MCTP2: variants seen among roughly 807,000 people sequenced by gnomAD.
The protein encoded by MCTP2 is multiple C2 and transmembrane domain containing 2.
In MCTP2, 132 loss-of-function variants were observed where a neutral mutation model predicts 111.6. The ratio of observed to expected loss-of-function variants is 1.18; its 90% CI spans 1.03 to 1.37. The LOEUF is 1.37. MCTP2 is among the 40% of genes most tolerant of loss of function. The pLI is 0.00. For missense variants in MCTP2, 1,183 were observed against 1,067.9 expected, an observed-to-expected ratio of 1.11 and a Z score of -1.50; for synonymous variants, 395 against 387.7, an observed-to-expected ratio of 1.02 and a Z score of -0.22.
chr15:94,273,810 A>T (rs1183353867), intron 1 of MCTP2: 1 of 214,874 alleles, frequency 4.7e-6, no homozygotes. Flanking sequence ...TATGTCCTCT[A>T]CATTGAGCAG....
intron 1 of MCTP2, among the ~76,000 whole-genome samples, chr15:94,243,053 C>T (rs1450285546): frequency 1.4e-5 from 1 of 70,920 alleles, no homozygotes; most frequent in Non-Finnish European, 3.2e-5. Context: ...ATATGTGTAT[C>T]TACACATACA....
At chr15:94,380,990 A>T (rs2080104658) in intron 12 of MCTP2, among the ~76,000 whole-genome samples, 1 of 152,230 alleles carries the variant, frequency 6.6e-6, no homozygotes, top group East Asian at 1.9e-4. Context: ...CTGAATTGTC[A>T]GTGGCATAAA....
intron 1 of MCTP2, among the ~76,000 whole-genome samples, chr15:94,263,689 A>G (rs911805261): frequency 4.6e-5 from 7 of 152,216 alleles, no homozygotes; most frequent in Non-Finnish European, 1.0e-4. Flanking sequence ...TAAATAGACC[A>G]CGGAAAGAAG....
chr15:94,298,075 C>A, intron 1 of MCTP2, 126 bp from the exon 2 acceptor site: 1 of 473,344 alleles, frequency 2.1e-6, no homozygotes, highest in South Asian at 4.3e-5. Context: ...CAGTCTTAAT[C>A]ATTTATTGGA....
chr15:94,235,938 T>A (rs2152209040), intron 1 of MCTP2, among the ~76,000 whole-genome samples: 1 of 152,370 alleles, frequency 6.6e-6, no homozygotes, highest in Middle Eastern at 3.4e-3. Flanking sequence ...CTACTGTGGT[T>A]AAGAAATTTT....
intron 1 of MCTP2, among the ~76,000 whole-genome samples, chr15:94,243,053 C>A (rs1450285546): frequency 2.8e-5 from 2 of 70,920 alleles, no homozygotes; most frequent in African/African-American, 5.6e-5. Flanking sequence ...ATATGTGTAT[C>A]TACACATACA....
At chr15:94,272,747 C>G (rs1215603860) in intron 1 of MCTP2, among the ~76,000 whole-genome samples, 1 of 150,116 alleles carries the variant, frequency 6.7e-6, no homozygotes, top group South Asian at 2.1e-4. Flanking sequence ...TTTCCCCTCT[C>G]TGGCTATGTC....
In MCTP2 at chr15:94,463,836, G is replaced by A. The variant is rs574675688; in HGVS notation, c.2360+5590G>A. ...TTTCACCTGCATTCATTGAAATGAT[G>A]TTATTTTTATGCTTTATTTTGGTTT... On this transcript the variant is annotated intron_variant, in intron 20 of 22. Coordinates refer to ENST00000357742, the MANE Select transcript of MCTP2 (RefSeq NM_001385001.1). Among the ~76,000 whole-genome samples the A allele has an allele frequency of 8.1e-4, 123 of 152,174 alleles. 1 individual carries two copies. The highest frequency in any genetic ancestry group is 2.8e-3 in the African/African-American group (116 of 41,532).
intron 4 of MCTP2, among the ~76,000 whole-genome samples, chr15:94,318,761 T>C (rs999493954): frequency 2.0e-5 from 3 of 152,204 alleles, no homozygotes; most frequent in South Asian, 2.1e-4. Flanking sequence ...ACTGATTAGA[T>C]GATGAAGCCG....
chr15:94,471,333 GA>G (rs1393027028), intron 21 of MCTP2, among the ~76,000 whole-genome samples: 3 of 152,232 alleles, frequency 2.0e-5, no homozygotes, highest in Non-Finnish European at 4.4e-5. Flanking sequence ...ACAAAGAGAA[GA>G]GACTGTGTTG....
intron 21 of MCTP2, among the ~76,000 whole-genome samples, chr15:94,470,822 G>T (rs1215202331): frequency 6.6e-6 from 1 of 152,088 alleles, no homozygotes; most frequent in East Asian, 1.9e-4. Context: ...ATGTAAAAGT[G>T]GATCTGGCCA....
rs574262339 is a variant in MCTP2, at chr15:94,340,918, G to C, written c.963G>C (p.Lys321Asn). 4.5e-5 allele frequency: 71 copies of C among 1,594,174 alleles called. No homozygotes were observed. In the South Asian group the frequency reaches 6.2e-4, roughly 14 times the overall value. ...LNLVVKQGDF[K>N]RHRWSNRKRL... ...TAGTGGTAAAACAGGGTGATTTCAA[G>C]AGACACGTAAGTGGGACCTTCTATT... Residue 321 changes from lysine to asparagine, a missense_variant, in exon 7 of 23, where the codon AAG (lysine) becomes AAC (asparagine). Transcript: ENST00000357742.
At chr15:94,432,110 C>T (rs913228346) in intron 17 of MCTP2, among the ~76,000 whole-genome samples, 3 of 152,144 alleles carry the variant, frequency 2.0e-5, no homozygotes, top group African/African-American at 4.8e-5. Context: ...AATCAACTAG[C>T]CCTTCCTTGG....
chr15:94,385,341 A>G (rs2080395102), intron 13 of MCTP2, 82 bp from the exon 14 acceptor site: 2 of 904,356 alleles, frequency 2.2e-6, no homozygotes, highest in Non-Finnish European at 3.6e-6. Context: ...AGACTTAATT[A>G]GTGAAACAGT....
chr15:94,326,625 T>G (rs1400162442), intron 4 of MCTP2, among the ~76,000 whole-genome samples: 1 of 151,962 alleles, frequency 6.6e-6, no homozygotes, highest in Non-Finnish European at 1.5e-5. Context: ...TGGAGTGCAG[T>G]GGCATGATCT....
At chr15:94,465,194 A>T (rs1206494151) in intron 20 of MCTP2, among the ~76,000 whole-genome samples, 1 of 152,052 alleles carries the variant, frequency 6.6e-6, no homozygotes, top group African/African-American at 2.4e-5. Flanking sequence ...GAAGCAACCT[A>T]TTTCTTGCTA....
At chr15:94,439,906 T>C (rs117746871) in intron 17 of MCTP2, among the ~76,000 whole-genome samples, 2,924 of 152,298 alleles carry the variant, frequency 0.019, 47 homozygotes, top group Non-Finnish European at 0.029. Context: ...CATACTACTT[T>C]CCATAAATTC....
In MCTP2 at chr15:94,288,931, A is replaced by C. The variant is rs1007376146; in HGVS notation, c.-65-9270A>C. ...ATAGCAGACTGGGGATGACAGAGGA[A>C]AGAGTCAGTAAAACTGAAGATAAAT... is the stretch of plus-strand genomic sequence containing the variant. On this transcript the variant is annotated intron_variant, in intron 1 of 22. Transcript: ENST00000357742. Among the ~76,000 whole-genome samples the C allele has an allele frequency of 1.5e-4, 23 of 152,226 alleles. 1 individual carries two copies. Among genetic ancestry groups the C allele is most frequent in the Admixed American group, 1.2e-3 (18 of 15,278 alleles).
intron 17 of MCTP2, among the ~76,000 whole-genome samples, chr15:94,433,894 CT>C (rs1251769118): frequency 6.6e-6 from 1 of 151,930 alleles, no homozygotes; most frequent in Non-Finnish European, 1.5e-5. Context: ...ATTAATATGG[CT>C]TTTTTGTGTT....
Sources: gnomAD v4.1 joint callset for allele counts (sites outside exome capture counted in the v4.1 genomes callset) on GRCh38, gnomAD v4.1.1 for gene constraint, MANE v1.5 for transcripts, NCBI Gene and HGNC (gene_info 2026-07-23, HGNC 2026-07-21) for gene names.